GLIS1: variants seen among roughly 807,000 people sequenced by gnomAD.
The protein encoded by GLIS1 is zinc finger protein GLIS1.
Under a neutral mutation model 63.8 loss-of-function variants are expected in GLIS1, and 24 were observed. That is an observed-to-expected ratio of 0.38 (90% CI 0.27 to 0.53). The LOEUF is 0.53. Ranked by LOEUF, GLIS1 falls within the 20% of genes least tolerant of loss-of-function variation. The probability of loss-of-function intolerance (pLI) is 0.85; values close to 1 mark genes in which losing one functional copy is unlikely to be tolerated. For synonymous variants in GLIS1, 450 were observed against 482.5 expected (o/e 0.93, Z 0.88); for missense variants, 1,036 against 1,074.1 (o/e 0.96, Z 0.50).
At chr1:53,555,722 TAAA>T (rs1424757616) in intron 4 of GLIS1, among the ~76,000 whole-genome samples, 2 of 152,120 alleles carry the variant, frequency 1.3e-5, no homozygotes, top group Non-Finnish European at 2.9e-5. Flanking sequence ...AATTAAGAAA[TAAA>T]AATTGTGTGT....
At chr1:53,698,673 GC>G (rs1194539784) in intron 2 of GLIS1, among the ~76,000 whole-genome samples, 1 of 152,204 alleles carries the variant, frequency 6.6e-6, no homozygotes, top group African/African-American at 2.4e-5. Context: ...CCAGAAGAGA[GC>G]CACTTCCTGA....
intron 6 of GLIS1, 94 bp downstream of exon 6, chr1:53,524,683 T>C (rs1644446049): frequency 4.9e-6 from 4 of 822,320 alleles, no homozygotes; most frequent in Non-Finnish European, 8.3e-6. Flanking sequence ...GGCGAGTGGG[T>C]GGGCAGATGC....
rs181336619 is a variant in GLIS1, at chr1:53,595,174, T to A, written c.438-184A>T. ...CTGGTTGTCTGGAAAACAAGCAGAG[T>A]GTAAAGGAAAATGGGGAGAGAGAGG... On this transcript the variant is annotated intron_variant, in intron 3 of 10. Coordinates refer to ENST00000628545, the MANE Select transcript of GLIS1 (RefSeq NM_001367484.1). Among the ~76,000 whole-genome samples the A allele has an allele frequency of 1.5e-3, 231 of 149,896 alleles. 5 individuals carry two copies. Among genetic ancestry groups the A allele is most frequent in the Admixed American group, 0.015 (226 of 15,114 alleles).
intron 2 of GLIS1, among the ~76,000 whole-genome samples, chr1:53,737,065 T>C (rs1045654293): frequency 2.0e-5 from 3 of 152,166 alleles, no homozygotes; most frequent in East Asian, 3.8e-4. Context: ...ACGAAACTCA[T>C]AAATAATGAC....
chr1:53,632,315 G>A (rs1484328301), intron 2 of GLIS1, among the ~76,000 whole-genome samples: 2 of 149,002 alleles, frequency 1.3e-5, no homozygotes, highest in Non-Finnish European at 3.0e-5. Context: ...GGAGAGGTGT[G>A]TGAATGAGTG....
chr1:53,602,917 A>C (rs1645332959), intron 2 of GLIS1, among the ~76,000 whole-genome samples: 1 of 152,220 alleles, frequency 6.6e-6, no homozygotes, highest in Admixed American at 6.5e-5. Flanking sequence ...ATGATGTCTA[A>C]GCTTTAATCT....
intron 2 of GLIS1, among the ~76,000 whole-genome samples, chr1:53,631,002 C>T (rs561053543): frequency 5.9e-5 from 9 of 152,220 alleles, no homozygotes; most frequent in Non-Finnish European, 1.2e-4. Flanking sequence ...TTTCTCTCAT[C>T]ATTTTGTGAG....
intron 2 of GLIS1, among the ~76,000 whole-genome samples, chr1:53,685,912 G>A (rs1416987453): frequency 6.6e-6 from 1 of 152,146 alleles, no homozygotes; most frequent in Non-Finnish European, 1.5e-5. Context: ...GAGCCCTCCA[G>A]CCAGCCTGTG....
intron 2 of GLIS1, among the ~76,000 whole-genome samples, chr1:53,604,912 A>ATGTGTG (rs763835438): frequency 2.7e-5 from 1 of 36,862 alleles, no homozygotes; most frequent in African/African-American, 3.7e-5. Flanking sequence ...ATATATATAT[A>ATGTGTG]TGTGTGTGTG....
At chr1:53,584,646 G>A (rs1044216384) in intron 4 of GLIS1, among the ~76,000 whole-genome samples, 1 of 152,196 alleles carries the variant, frequency 6.6e-6, no homozygotes, top group Admixed American at 6.5e-5. Flanking sequence ...ATACAGATTA[G>A]CCCAAGGCTG....
At chr1:53,688,255 G>A (rs1646363287) in intron 2 of GLIS1, among the ~76,000 whole-genome samples, 2 of 152,270 alleles carry the variant, frequency 1.3e-5, no homozygotes, top group African/African-American at 2.4e-5. Context: ...GAATGCGAGT[G>A]TGGGCTCATG....
intron 5 of GLIS1, among the ~76,000 whole-genome samples, chr1:53,528,634 G>T (rs1017995899): frequency 2.0e-5 from 3 of 151,998 alleles, no homozygotes; most frequent in African/African-American, 7.3e-5. Context: ...CGGTTTTCCC[G>T]GCTCTAAGGT....
chr1:53,653,342 C>T (rs1645929064), intron 2 of GLIS1, among the ~76,000 whole-genome samples: 1 of 152,146 alleles, frequency 6.6e-6, no homozygotes, highest in South Asian at 2.1e-4. Context: ...TGTGCCTTGT[C>T]CCCAAGAGAC....
At chr1:53,529,984 G>A (rs1289477284) in intron 4 of GLIS1, 32 bp from the exon 5 acceptor site, 2 of 1,602,336 alleles carry the variant, frequency 1.2e-6, no homozygotes, top group African/African-American at 2.7e-5. Flanking sequence ...GGAACTCCCA[G>A]CCCGGTGGGC....
At chr1:53,517,074 A>C (rs556550176) in intron 7 of GLIS1, among the ~76,000 whole-genome samples, 1 of 152,278 alleles carries the variant, frequency 6.6e-6, no homozygotes, top group South Asian at 2.1e-4. Context: ...TTTTAAGATG[A>C]GGAAACTAAA....
chr1:53,711,225 T>A lies in GLIS1; in HGVS notation c.259+26581A>T, dbSNP rs565414847. On this transcript the variant is annotated intron_variant, in intron 2 of 10. Transcript: ENST00000628545. ...GGAAACTAAGGAAGTAACTTGCTCA[T>A]CCAAGGCCACACCAAGCGCTTGGTG... Among the ~76,000 whole-genome samples the A allele has an allele frequency of 2.0e-5, 3 of 152,170 alleles. No homozygotes were observed. The South Asian group carries it at 6.2e-4, about 32-fold the overall frequency.
At chr1:53,643,655 C>G (rs951903835) in intron 2 of GLIS1, among the ~76,000 whole-genome samples, 5 of 152,312 alleles carry the variant, frequency 3.3e-5, no homozygotes, top group African/African-American at 9.6e-5. Flanking sequence ...TATGGAAGCT[C>G]TCTCTGCCTC....
At chr1:53,731,601 AC>A (rs1294923182) in intron 2 of GLIS1, among the ~76,000 whole-genome samples, 1 of 152,170 alleles carries the variant, frequency 6.6e-6, no homozygotes, top group Non-Finnish European at 1.5e-5. Context: ...TACATGCACA[AC>A]CTTGGACAAA....
chr1:53,718,559 A>G (rs1646722473), intron 2 of GLIS1, among the ~76,000 whole-genome samples: 1 of 152,178 alleles, frequency 6.6e-6, no homozygotes, highest in South Asian at 2.1e-4. Context: ...ACTTGATTTG[A>G]CATCCTGTTC....
Sources: gnomAD v4.1 joint callset for allele counts (sites outside exome capture counted in the v4.1 genomes callset) on GRCh38, gnomAD v4.1.1 for gene constraint, MANE v1.5 for transcripts, NCBI Gene and HGNC (gene_info 2026-07-23, HGNC 2026-07-21) for gene names.